Variants in PIK3C2G observed in about 807,000 individuals in gnomAD.
PIK3C2G encodes the protein phosphatidylinositol-4-phosphate 3-kinase catalytic subunit type 2 gamma, also known as phosphatidylinositol 3-kinase C2 domain-containing subunit gamma.
A neutral mutation model predicts 181.1 loss-of-function variants in PIK3C2G; 168 were observed. The ratio of observed to expected loss-of-function variants is 0.93; its 90% CI spans 0.82 to 1.05. The LOEUF is 1.05. Among genes scored for constraint, PIK3C2G ranks in the 50% least tolerant of loss-of-function variants. The probability of loss-of-function intolerance (pLI) is 0.00; values close to 1 mark genes in which losing one functional copy is unlikely to be tolerated. For synonymous variants in PIK3C2G, 573 were observed against 592.2 expected (o/e 0.97, Z 0.47); for missense variants, 1,869 against 1,732.8 (o/e 1.08, Z -1.40).
chr12:18,431,104 C>T (rs887803718), intron 18 of PIK3C2G, among the ~76,000 whole-genome samples: 2 of 152,140 alleles, frequency 1.3e-5, no homozygotes, highest in South Asian at 2.1e-4. Flanking sequence ...CTCCACAATA[C>T]GTATCCCCTA....
At chr12:18,444,502 T>C (rs1000997130) in intron 18 of PIK3C2G, among the ~76,000 whole-genome samples, 9 of 152,166 alleles carry the variant, frequency 5.9e-5, no homozygotes, top group African/African-American at 2.2e-4. Flanking sequence ...GGTTTTGACC[T>C]TTCCTTGCTG....
chr12:18,626,726 A>G (rs965471379), intron 31 of PIK3C2G, among the ~76,000 whole-genome samples: 2 of 152,078 alleles, frequency 1.3e-5, no homozygotes, highest in South Asian at 2.1e-4. Flanking sequence ...CACTTCTACT[A>G]TATCATCCCA....
chr12:18,587,995 A>G (rs1333907937), intron 29 of PIK3C2G, among the ~76,000 whole-genome samples: 2 of 152,080 alleles, frequency 1.3e-5, no homozygotes, highest in African/African-American at 4.8e-5. Flanking sequence ...GACAAAAGCA[A>G]TGGGGAAAGC....
chr12:18,419,548 T>C (rs567341012), intron 16 of PIK3C2G, among the ~76,000 whole-genome samples: 121 of 152,284 alleles, frequency 7.9e-4, no homozygotes, highest in African/African-American at 1.7e-3. Flanking sequence ...GCATTTTAAT[T>C]GCACTCTTTC....
At chr12:18,643,092 T>G (rs1028721929) in intron 32 of PIK3C2G, among the ~76,000 whole-genome samples, 2 of 152,054 alleles carry the variant, frequency 1.3e-5, no homozygotes, top group African/African-American at 4.8e-5. Flanking sequence ...CACTAACAAT[T>G]CAGAACAATT....
chr12:18,594,396 C>G, intron 29 of PIK3C2G, 98 bp from the exon 30 acceptor site: 1 of 639,262 alleles, frequency 1.6e-6, no homozygotes, highest in Non-Finnish European at 2.6e-6. Context: ...TAACAGGTAT[C>G]TATTTTAAAA....
rs112370113 is a variant in PIK3C2G at position 18,411,269 on chromosome 12, A to G, written c.2316-9672A>G. 2.9e-3 allele frequency among the ~76,000 whole-genome samples: 445 copies of G among 152,292 alleles called. 1 individual carries two copies. Among genetic ancestry groups the G allele is most frequent in the Non-Finnish European group, 4.6e-3 (310 of 68,018 alleles). ...AAGTCCTTGCTAGGGGTGCTGTAGA[A>G]AGCCTAATGGCCTAGTGTTTTGGAT... On this transcript the variant is annotated intron_variant, in intron 16 of 32. Transcript: ENST00000538779.
the PIK3C2G span, among the ~76,000 whole-genome samples, chr12:18,663,176 G>A: frequency 5.9e-5 from 9 of 152,058 alleles, no homozygotes; most frequent in African/African-American, 9.7e-5. Context: ...AGGCAAGGGT[G>A]AACAGGTTCA....
At chr12:18,588,434 G>A (rs932033946) in intron 29 of PIK3C2G, among the ~76,000 whole-genome samples, 7 of 151,990 alleles carry the variant, frequency 4.6e-5, no homozygotes, top group African/African-American at 1.4e-4. Context: ...GTGGACAAAG[G>A]ACATGAACAG....
In PIK3C2G at chr12:18,274,777, C is replaced by T. The variant is rs945196439; in HGVS notation, c.-78-7227C>T. On this transcript the variant is annotated intron_variant, in intron 1 of 32. Coordinates refer to ENST00000538779, the MANE Select transcript of PIK3C2G (RefSeq NM_001288772.2). Reference sequence around the variant, plus strand: ...ATGTAACAAACCTGCACGTTGTGCACATGTACCCTAAAACTTAAAGTATAA... The same window carrying T: ...ATGTAACAAACCTGCACGTTGTGCATATGTACCCTAAAACTTAAAGTATAA... 8.5e-5 allele frequency among the ~76,000 whole-genome samples: 13 copies of T among 152,238 alleles called. 1 individual carries two copies. The highest frequency in any genetic ancestry group is 3.3e-4 in the Admixed American group (5 of 15,288).
chr12:18,579,243 A>C (rs935712401), intron 29 of PIK3C2G, among the ~76,000 whole-genome samples: 4 of 152,220 alleles, frequency 2.6e-5, no homozygotes, highest in Non-Finnish European at 5.9e-5. Flanking sequence ...ACAGACATGA[A>C]TATAAATAAC....
At chr12:18,684,297 A>T in the PIK3C2G span, 2 of 1,586,504 alleles carry the variant, frequency 1.3e-6, no homozygotes, top group South Asian at 2.2e-5. Flanking sequence ...ATAAAAAAAG[A>T]AGATACAAAG....
At chr12:18,510,262 G>A (rs1191557222) in intron 24 of PIK3C2G, among the ~76,000 whole-genome samples, 1 of 152,108 alleles carries the variant, frequency 6.6e-6, no homozygotes, top group Non-Finnish European at 1.5e-5. Context: ...CACAGTGCCC[G>A]ACCTATCTTC....
chr12:18,612,944 A>G (rs1170124164), intron 31 of PIK3C2G, among the ~76,000 whole-genome samples: 2 of 152,138 alleles, frequency 1.3e-5, no homozygotes, highest in African/African-American at 4.8e-5. Context: ...GCATCACAAT[A>G]TGATTCACTC....
At chr12:18,312,812 A>G (rs1950695969) in intron 5 of PIK3C2G, among the ~76,000 whole-genome samples, 1 of 152,146 alleles carries the variant, frequency 6.6e-6, no homozygotes, top group Non-Finnish European at 1.5e-5. Flanking sequence ...TTTAAGTATT[A>G]AAAACAACGT....
At chr12:18,579,224 G>A (rs980140969) in intron 29 of PIK3C2G, among the ~76,000 whole-genome samples, 2 of 151,974 alleles carry the variant, frequency 1.3e-5, no homozygotes, top group African/African-American at 2.4e-5. Context: ...TTACAGTACT[G>A]TAATAAATAC....
intron 14 of PIK3C2G, among the ~76,000 whole-genome samples, chr12:18,383,074 C>A (rs924955455): frequency 1.3e-5 from 2 of 152,224 alleles, no homozygotes; most frequent in Admixed American, 1.3e-4. Flanking sequence ...TCAATTAGCA[C>A]TTGTTCTGTT....
At chr12:18,609,430 C>A (rs1322800585) in intron 30 of PIK3C2G, 105 bp from the exon 31 acceptor site, 4 of 649,670 alleles carry the variant, frequency 6.2e-6, no homozygotes, top group Non-Finnish European at 1.1e-5. Flanking sequence ...AAGAATGTTT[C>A]TTCTACTTGT....
the PIK3C2G span, among the ~76,000 whole-genome samples, chr12:18,707,581 A>G: frequency 6.6e-6 from 1 of 152,282 alleles, no homozygotes; most frequent in African/African-American, 2.4e-5. Context: ...TAAGAGTCAT[A>G]CTTATGAGGG....
Sources: allele counts gnomAD v4.1 joint callset (sites outside exome capture counted in the v4.1 genomes callset), GRCh38; gene constraint gnomAD v4.1.1; transcripts MANE v1.5; gene names NCBI Gene and HGNC (gene_info 2026-07-23, HGNC 2026-07-21).